WIZ: variants seen among roughly 807,000 people sequenced by gnomAD.
The protein encoded by WIZ is protein Wiz.
In WIZ, 25 loss-of-function variants were observed where a neutral mutation model predicts 140.2. The observed-to-expected ratio is 0.18, with a 90% CI of 0.13 to 0.25. The LOEUF (loss-of-function observed/expected upper bound fraction) is 0.25, where lower values mean the gene tolerates loss of function less well. WIZ is among the 10% of genes least tolerant of loss of function. The pLI is 1.00. For synonymous variants in WIZ, 1,125 were observed against 1,154.3 expected, an observed-to-expected ratio of 0.97 and a Z score of 0.51; for missense variants, 2,231 against 2,632.6, an observed-to-expected ratio of 0.85 and a Z score of 3.34.
chr19:15,427,097 T>C lies in WIZ; in HGVS notation c.4251A>G (p.Glu1417=), dbSNP rs572097793. Reference sequence around the variant, plus strand: ...CCCGCTTGATCTCCACCCGTATTTGTTCAGGCTTCAGCTTCTTGGGCAAGG... The same window carrying C: ...CCCGCTTGATCTCCACCCGTATTTGCTCAGGCTTCAGCTTCTTGGGCAAGG... ...APSLPKKLKP[E]QIRVEIKREM... The change falls in exon 9 of 13, where the codon GAA becomes GAG. Residue 1417 remains glutamate (E), a synonymous_variant. Coordinates refer to ENST00000673675, the MANE Select transcript of WIZ (RefSeq NM_001371589.1). This position sits in a 1 kb window ranked among gnomAD's most constrained non-coding sequence, Gnocchi z 6.4. 7 of 1,614,216 alleles carry C rather than the reference T, an allele frequency of 4.3e-6. No homozygotes were observed. The African/African-American group carries it at 9.3e-5, about 22-fold the overall frequency.
Position 15,422,955 on chromosome 19 carries a change from C to G in WIZ, c.*121G>C. The stretch of plus-strand genomic sequence containing the variant: ...AGTGTGCCCGGCCCCCAAGGGGCGC[C>G]GGTTTGAGGTTTTGGCTTGCTCCTT... On this transcript the variant is annotated 3_prime_UTR_variant, in exon 13 of 13. Transcript: ENST00000673675. The G allele has an allele frequency of 7.0e-7, 1 of 1,432,336 alleles. No individual in the cohort carries two copies. Among genetic ancestry groups the G allele is most frequent in the Non-Finnish European group, 9.2e-7 (1 of 1,082,272 alleles). 88.7% of individuals were successfully genotyped at this position (1,432,336 alleles called of 1,614,324 possible).
Position 15,422,884 on chromosome 19 carries a change from C to T in WIZ, c.*192G>A, listed in dbSNP as rs550514300. 5.6e-5 allele frequency: 44 copies of T among 785,018 alleles called. No individual in the cohort carries two copies. Among genetic ancestry groups the T allele is most frequent in the African/African-American group, 4.6e-4 (26 of 57,094 alleles). 48.6% of individuals were successfully genotyped at this position (785,018 alleles called of 1,614,324 possible). A position where few individuals can be genotyped will look rare whatever the true frequency, so the allele number is the denominator to read the frequency against. On this transcript the variant is annotated 3_prime_UTR_variant, in exon 13 of 13. Coordinates refer to ENST00000673675, the MANE Select transcript of WIZ (RefSeq NM_001371589.1). ...AGACACCCTGTGGCCCCAGAGTCCT[C>T]GGGCTGGGGGAAGGGCAGCTAGCTG...
Position 15,427,272 on chromosome 19 carries a change from C to G in WIZ, c.4076G>C (p.Ser1359Thr). The G allele has an allele frequency of 6.2e-7, 1 of 1,613,704 alleles. No homozygotes were observed. The highest frequency in any genetic ancestry group is 8.5e-7 in the Non-Finnish European group (1 of 1,180,008). ...CGAGGGGCTGCGGGCTTCCAGTGAG[C>G]TGCCAGGACCTGCGCCGCCCATCAT... Reference protein sequence around the residue: ...AKMMGGAGPGSSLEARSPSDL... With the variant: ...AKMMGGAGPGTSLEARSPSDL... Residue 1359 changes from serine to threonine, a missense_variant, in exon 9 of 13, where the codon AGC becomes ACC. Around this residue, in one of 15 missense-constraint regions of WIZ, gnomAD observed 393 missense variants for 451.7 expected, o/e 0.87. Transcript: ENST00000673675. This position sits in a 1 kb window ranked among gnomAD's most constrained non-coding sequence, Gnocchi z 6.4.
In WIZ at chr19:15,442,761, G is replaced by T; in HGVS notation, c.206-13C>A. 8.1e-7 allele frequency: 1 copy of T among 1,231,708 alleles called. No individual in the cohort carries two copies. Among genetic ancestry groups the T allele is most frequent in the Non-Finnish European group, 1.0e-6 (1 of 987,690 alleles). 76.3% of individuals were successfully genotyped at this position (1,231,708 alleles called of 1,614,324 possible). ...TGGGGCTGCCCGTCTGCAACAGAGAGGGGAGACCCTGAGGGGCTGGGGTCC... is the reference window on the plus strand; with the variant it reads ...TGGGGCTGCCCGTCTGCAACAGAGATGGGAGACCCTGAGGGGCTGGGGTCC... On this transcript the variant is annotated splice_polypyrimidine_tract_variant and intron_variant, in intron 2 of 12. Coordinates refer to ENST00000673675, the MANE Select transcript of WIZ (RefSeq NM_001371589.1). This position sits in a 1 kb window ranked among gnomAD's most constrained non-coding sequence, Gnocchi z 5.5.
Position 15,424,817 on chromosome 19 carries a change from A to C in WIZ, c.5110T>G (p.Phe1704Val). The change falls in exon 11 of 13, where the codon TTC (phenylalanine) becomes GTC (valine). Residue 1704 changes from phenylalanine (F) to valine (V), a missense_variant. Transcript: ENST00000673675. The surrounding 1 kb of genome is among the most constrained non-coding windows in gnomAD (Gnocchi z 9.7). ...TCACGGCCATGGCCGGCACTGCGGA[A>C]CTTCTTGGTGAAGGGGCGGCCGCCC... Reference protein sequence around the residue: ...IQGGRPFTKKFRSAGHGRDSD... With the variant: ...IQGGRPFTKKVRSAGHGRDSD... The C allele has an allele frequency of 6.2e-7, 1 of 1,608,342 alleles. No homozygotes were observed. The highest frequency in any genetic ancestry group is 8.5e-7 in the Non-Finnish European group (1 of 1,178,328).
intron 6 of WIZ, 59 bp from the exon 7 acceptor site, chr19:15,430,148 C>A (rs1317507747): frequency 2.8e-6 from 4 of 1,447,776 alleles, no homozygotes; most frequent in Non-Finnish European, 3.6e-6. Flanking sequence ...CCAGCTCTCC[C>A]GCTTCTCCTC....
Position 15,424,660 on chromosome 19 carries a change from G to A in WIZ, c.5267C>T (p.Pro1756Leu), listed in dbSNP as rs770385117. 16 of 1,591,028 alleles carry A rather than the reference G, an allele frequency of 1.0e-5. No individual in the cohort carries two copies. The Admixed American group carries it at 1.5e-4, about 15-fold the overall frequency. Reference protein sequence around the residue: ...DGGERPLAASPPGTVKAEEHQ... With the variant: ...DGGERPLAASLPGTVKAEEHQ... ...CTCCTCAGCCTTCACGGTGCCTGGC[G>A]GGCTGGCTGCCAGAGGCCGCTCACC... The change falls in exon 11 of 13, where the codon CCG becomes CTG. Residue 1756 changes from proline (P) to leucine (L), a missense_variant. Pro to Leu is a moderately conservative substitution (Grantham distance 98, BLOSUM62 -3). Around this residue, in one of 15 missense-constraint regions of WIZ, gnomAD observed 299 missense variants for 309.6 expected, o/e 0.97. Coordinates refer to ENST00000673675, the MANE Select transcript of WIZ (RefSeq NM_001371589.1). This position sits in a 1 kb window ranked among gnomAD's most constrained non-coding sequence, Gnocchi z 9.7.
chr19:15,448,107 G>A lies in WIZ; in HGVS notation c.201C>T (p.Ile67=). ...PRDILDGRGG[I]SDGQPHPGLS... ...CCACACGGCCCATTCTCTTACCAGA[G>A]ATGCCACCTCTGCCATCCAGAATGT... Residue 67 remains isoleucine, a synonymous_variant, in exon 2 of 13, where the codon ATC becomes ATT. Coordinates refer to ENST00000673675, the MANE Select transcript of WIZ (RefSeq NM_001371589.1). 6.2e-7 allele frequency: 1 copy of A among 1,612,454 alleles called. No individual in the cohort carries two copies. Among genetic ancestry groups the A allele is most frequent in the Non-Finnish European group, 8.5e-7 (1 of 1,179,302 alleles).
intron 1 of WIZ, among the ~76,000 whole-genome samples, chr19:15,449,305 GA>G (rs1278556823): frequency 6.6e-6 from 1 of 151,940 alleles, no homozygotes; most frequent in Non-Finnish European, 1.5e-5. Flanking sequence ...GGGGCCTGGG[GA>G]TTCCCAGGGG....
Position 15,439,146 on chromosome 19 carries a change from CTCT to C in WIZ, c.1845_1847del (p.Glu624del). On this transcript the variant is annotated inframe_deletion, in exon 4 of 13. Coordinates refer to ENST00000673675, the MANE Select transcript of WIZ (RefSeq NM_001371589.1). The surrounding 1 kb of genome is among the most constrained non-coding windows in gnomAD (Gnocchi z 7.0). ...CCTCCTCCTCCTCCTCCTCCTCCTC[CTCT>C]TCGCTCCAAGGGCGCCTCCGTTCCC... is the stretch of plus-strand genomic sequence containing the variant. 1 of 1,522,412 alleles carries C rather than the reference CTCT, an allele frequency of 6.6e-7. No individual in the cohort carries two copies. The highest frequency in any genetic ancestry group is 8.8e-7 in the Non-Finnish European group (1 of 1,139,548). The allele number at this position is 1,522,412 out of a possible 1,614,324, so 94.3% of individuals were successfully genotyped here.
intron 2 of WIZ, among the ~76,000 whole-genome samples, chr19:15,444,526 C>A (rs1232309919): frequency 6.6e-6 from 1 of 152,152 alleles, no homozygotes; most frequent in African/African-American, 2.4e-5. Context: ...GTCATGACAA[C>A]CAAAATTGTC....
rs1220201209 is a variant in WIZ at position 15,422,013 on chromosome 19, C to G, written c.*1063G>C. 6.6e-6 allele frequency: 1 copy of G among 152,250 alleles called. No homozygotes were observed. The highest frequency in any genetic ancestry group is 1.5e-5 in the Non-Finnish European group (1 of 68,050). The allele number at this position is 152,250 out of a possible 1,614,324, so 9.4% of individuals were successfully genotyped here. The stretch of plus-strand genomic sequence containing the variant: ...TCCATGGCGCTCTGGACAGAGGAGG[C>G]CCCGATCCCAGCCCCGGCTGCCAGC... On this transcript the variant is annotated 3_prime_UTR_variant, in exon 13 of 13. Coordinates refer to ENST00000673675, the MANE Select transcript of WIZ (RefSeq NM_001371589.1).
rs764148446 is a variant in WIZ, at chr19:15,439,197, G to A, written c.1797C>T (p.Ser599=). 1 of 1,535,756 alleles carries A rather than the reference G, an allele frequency of 6.5e-7. No individual in the cohort carries two copies. The highest frequency in any genetic ancestry group is 8.7e-7 in the Non-Finnish European group (1 of 1,146,728). Residue 599 remains serine, a synonymous_variant, in exon 4 of 13, where the codon AGC becomes AGT. Coordinates refer to ENST00000673675, the MANE Select transcript of WIZ (RefSeq NM_001371589.1). The surrounding 1 kb of genome is among the most constrained non-coding windows in gnomAD (Gnocchi z 7.0). ...CCCCCAGCCCTTGTGGGTGGACGGT[G>A]CTTTTGTTTCTCCCGAGCTGTAAGG... ...PYSLQLGRNK[S]TVHPQGLGER...
At chr19:15,432,778 G>A (rs1969355449) in intron 5 of WIZ, among the ~76,000 whole-genome samples, 1 of 151,396 alleles carries the variant, frequency 6.6e-6, no homozygotes, top group Non-Finnish European at 1.5e-5. Flanking sequence ...TGCCGCTGCC[G>A]CCGCCGCCAA....
At position 15,438,715 on chromosome 19, in the gene WIZ, T is replaced by C. The variant is rs1323375988; in HGVS notation, c.2279A>G (p.Asn760Ser). Residue 760 changes from asparagine (N) to serine (S), a missense_variant, in exon 4 of 13, where the codon AAC becomes AGC. Asn to Ser is a conservative substitution (Grantham distance 46). Transcript: ENST00000673675. ...KCPYCPDRFH[N>S]GIGLANHVRG... ...GACGTGGTTGGCCAAGCCGATGCCG[T>C]TGTGGAAGCGATCGGGGCAGTAGGG... The C allele has an allele frequency of 3.9e-6, 6 of 1,536,112 alleles. No homozygotes were observed. Among genetic ancestry groups the C allele is most frequent in the East Asian group, 4.9e-5 (2 of 40,920 alleles).
rs372619475 is a variant in WIZ at position 15,424,123 on chromosome 19, G to C, written c.5510+60C>G. On this transcript the variant is annotated intron_variant, in intron 12 of 12. Coordinates refer to ENST00000673675, the MANE Select transcript of WIZ (RefSeq NM_001371589.1). The surrounding 1 kb of genome is among the most constrained non-coding windows in gnomAD (Gnocchi z 9.7). ...TCCACCAAACCCTATCCTGTTCCAA[G>C]GCTCCGGGTGACCAAGGTCCACTCA... 12 of 1,406,754 alleles carry C rather than the reference G, an allele frequency of 8.5e-6. No homozygotes were observed. Among genetic ancestry groups the C allele is most frequent in the Middle Eastern group, 1.8e-4 (1 of 5,432 alleles). The allele number at this position is 1,406,754 out of a possible 1,614,324, so 87.1% of individuals were successfully genotyped here.
In WIZ at chr19:15,426,955, C is replaced by T. The variant is rs115971961; in HGVS notation, c.4366+27G>A. ...GGAGGAGACCCCTCCAACTGTTCTC[C>T]CTGCCCTACTGCAGGGTCACACTTA... is the stretch of plus-strand genomic sequence containing the variant. On this transcript the variant is annotated intron_variant, in intron 9 of 12. Coordinates refer to ENST00000673675, the MANE Select transcript of WIZ (RefSeq NM_001371589.1). 4,319 of 1,580,960 alleles carry T rather than the reference C, an allele frequency of 2.7e-3. 100 individuals carry two copies. The African/African-American group carries it at 0.053, about 19-fold the overall frequency.
At chr19:15,435,052 C>G (rs1431744199) in intron 5 of WIZ, among the ~76,000 whole-genome samples, 1 of 152,024 alleles carries the variant, frequency 6.6e-6, no homozygotes, top group African/African-American at 2.4e-5. Context: ...CATAGTGAAA[C>G]CTCGTCACTA....
At position 15,442,484 on chromosome 19, in the gene WIZ, G is replaced by A. The variant is rs1969779648; in HGVS notation, c.278+192C>T. ...CAGGGATAATGAGAGTTGACCCTCT[G>A]TGTTCATTCCAGACCTCCCCCAACC... On this transcript the variant is annotated intron_variant, in intron 3 of 12. Transcript: ENST00000673675. This position sits in a 1 kb window ranked among gnomAD's most constrained non-coding sequence, Gnocchi z 5.5. Among the ~76,000 whole-genome samples the A allele has an allele frequency of 6.6e-6, 1 of 152,194 alleles. No individual in the cohort carries two copies. The highest frequency in any genetic ancestry group is 1.5e-5 in the Non-Finnish European group (1 of 68,028).
Sources: allele counts gnomAD v4.1 joint callset (sites outside exome capture counted in the v4.1 genomes callset), GRCh38; gene constraint gnomAD v4.1.1; regional missense constraint gnomAD v4.1.1; non-coding constraint Gnocchi (gnomAD v3.1); transcripts MANE v1.5; gene names NCBI Gene and HGNC (gene_info 2026-07-23, HGNC 2026-07-21).